The following RELN variants were observed in gnomAD, a reference collection of about 807,000 sequenced individuals.
RELN encodes reelin.
In RELN, 108 loss-of-function variants were observed where a neutral mutation model predicts 427.6. The observed-to-expected ratio is 0.25, with a 90% CI of 0.22 to 0.30. The LOEUF (loss-of-function observed/expected upper bound fraction) is 0.30. Ranked by LOEUF, RELN falls within the 10% of genes least tolerant of loss-of-function variation. RELN has a pLI of 1.00. For synonymous variants in RELN, 1,524 were observed against 1,513.4 expected (o/e 1.01, Z -0.16); for missense variants, 3,715 against 4,302.8 (o/e 0.86, Z 3.82).
At chr7:103,674,584 C>G (rs564694012) in intron 11 of RELN, among the ~76,000 whole-genome samples, 1 of 152,086 alleles carries the variant, frequency 6.6e-6, no homozygotes, top group Non-Finnish European at 1.5e-5. Context: ...TCCTCATGTC[C>G]GCATTCATTG....
intron 1 of RELN, among the ~76,000 whole-genome samples, chr7:103,922,245 A>G (rs976494539): frequency 1.3e-5 from 2 of 152,192 alleles, no homozygotes; most frequent in African/African-American, 2.4e-5. Context: ...GTATTCAATT[A>G]TAGTACTCAA....
chr7:103,497,256 C>T (rs894057856), intron 55 of RELN, among the ~76,000 whole-genome samples: 5 of 152,168 alleles, frequency 3.3e-5, no homozygotes, highest in Non-Finnish European at 7.4e-5. Flanking sequence ...TTAGGGTCAT[C>T]TGTTAATCAG....
chr7:103,885,148 G>T (rs1328495151), intron 2 of RELN, among the ~76,000 whole-genome samples: 1 of 152,112 alleles, frequency 6.6e-6, no homozygotes, highest in East Asian at 1.9e-4. Flanking sequence ...AACCATCCTG[G>T]CTAACACGGT....
chr7:103,579,644 C>G (rs935154603), intron 28 of RELN, among the ~76,000 whole-genome samples: 1 of 149,448 alleles, frequency 6.7e-6, no homozygotes, highest in African/African-American at 2.5e-5. Context: ...TTTGATTATT[C>G]TATTCAAAAA....
chr7:103,681,794 T>C (rs143964511), intron 11 of RELN, among the ~76,000 whole-genome samples: 33 of 152,196 alleles, frequency 2.2e-4, no homozygotes, highest in African/African-American at 7.7e-4. Flanking sequence ...CTCAATATAA[T>C]AGTAATGGAA....
intron 2 of RELN, among the ~76,000 whole-genome samples, chr7:103,881,749 CATGGAACA>C (rs1237353395): frequency 1.3e-5 from 2 of 152,080 alleles, no homozygotes; most frequent in African/African-American, 4.8e-5. Context: ...GCAGATGCCT[CATGGAACA>C]CAGACAAGCT....
At chr7:103,657,678 A>G (rs890631564) in intron 12 of RELN, among the ~76,000 whole-genome samples, 1 of 152,248 alleles carries the variant, frequency 6.6e-6, no homozygotes, top group South Asian at 2.1e-4. Context: ...TAAAGGAGCC[A>G]AGACTTTAAA....
chr7:103,516,444 TG>T (rs570558914), intron 49 of RELN, among the ~76,000 whole-genome samples: 5 of 151,872 alleles, frequency 3.3e-5, no homozygotes, highest in Middle Eastern at 3.2e-3. Flanking sequence ...CATGCCAACA[TG>T]CCTGGATAAT....
intron 8 of RELN, among the ~76,000 whole-genome samples, chr7:103,717,998 G>A (rs1394901980): frequency 6.6e-6 from 1 of 152,076 alleles, no homozygotes; most frequent in Non-Finnish European, 1.5e-5. Context: ...CTTTTCTTAT[G>A]CTAAATGAAA....
At chr7:103,491,921 T>C (rs777565276) in intron 58 of RELN, 32 bp downstream of exon 58, 28 of 1,490,788 alleles carry the variant, frequency 1.9e-5, no homozygotes, top group Admixed American at 1.6e-4. Flanking sequence ...GTATTCAAGT[T>C]TGAAGATAAT....
intron 10 of RELN, 144 bp downstream of exon 10, chr7:103,697,709 G>A (rs1363565879): frequency 1.8e-6 from 2 of 1,083,968 alleles, no homozygotes; most frequent in Non-Finnish European, 2.7e-6. Flanking sequence ...TAAAAGGTAG[G>A]GTAATATAAA....
chr7:103,972,894 A>ATGTGTGTG (rs34930399), intron 1 of RELN, among the ~76,000 whole-genome samples: 14,925 of 149,060 alleles, frequency 0.1, 806 homozygotes, highest in Non-Finnish European at 0.12. Context: ...GCATATGATT[A>ATGTGTGTG]TGTGTGTGTG....
chr7:103,606,838 A>G (rs1831831540), intron 22 of RELN, among the ~76,000 whole-genome samples: 3 of 152,100 alleles, frequency 2.0e-5, no homozygotes, highest in Admixed American at 2.0e-4. Flanking sequence ...GGACAATTCC[A>G]CTTAAAACCA....
intron 60 of RELN, among the ~76,000 whole-genome samples, chr7:103,488,765 T>C (rs777295142): frequency 1.3e-5 from 2 of 152,220 alleles, no homozygotes; most frequent in African/African-American, 2.4e-5. Context: ...TGTGTGACCT[T>C]AGGCAGGTCA....
At chr7:103,895,978 C>G (rs1198154912) in intron 2 of RELN, among the ~76,000 whole-genome samples, 1 of 152,042 alleles carries the variant, frequency 6.6e-6, no homozygotes, top group Non-Finnish European at 1.5e-5. Context: ...ATATTACAAA[C>G]TACTATTACT....
chr7:103,530,582 A>G (rs901742026), intron 46 of RELN, among the ~76,000 whole-genome samples: 7 of 152,190 alleles, frequency 4.6e-5, no homozygotes, highest in African/African-American at 1.4e-4. Flanking sequence ...AATGCTTGCT[A>G]TAAGTTAACC....
chr7:103,561,496 G>A (rs1222186069), intron 36 of RELN, 36 bp downstream of exon 36: 1 of 1,462,268 alleles, frequency 6.8e-7, no homozygotes, highest in Non-Finnish European at 9.6e-7. Context: ...AATGTTAGTA[G>A]TAATGTTGGG....
At chr7:103,700,803 A>G (rs1834073722) in intron 9 of RELN, 107 bp downstream of exon 9, 2 of 764,818 alleles carry the variant, frequency 2.6e-6, no homozygotes, top group African/African-American at 3.4e-5. Flanking sequence ...TAACAACCAG[A>G]GTCCTTTTTA....
intron 2 of RELN, among the ~76,000 whole-genome samples, chr7:103,844,852 CA>C (rs1584290421): frequency 6.6e-6 from 1 of 152,154 alleles, no homozygotes; most frequent in East Asian, 1.9e-4. Flanking sequence ...GAATATATCT[CA>C]GTCCCCTCTG....
Sources: gnomAD v4.1 joint callset for allele counts (sites outside exome capture counted in the v4.1 genomes callset) on GRCh38, gnomAD v4.1.1 for gene constraint, MANE v1.5 for transcripts, NCBI Gene and HGNC (gene_info 2026-07-23, HGNC 2026-07-21) for gene names.